PCDHA2: variants seen among roughly 807,000 people sequenced by gnomAD.
PCDHA2 encodes protocadherin alpha 2, also known as protocadherin alpha-2.
In PCDHA2, 58 loss-of-function variants were observed where a neutral mutation model predicts 66.0. The ratio of observed to expected loss-of-function variants is 0.88; its 90% CI spans 0.71 to 1.09. The LOEUF is 1.09. Ranked by LOEUF, PCDHA2 falls within the 50% of genes least tolerant of loss-of-function variation. PCDHA2 has a pLI of 0.00. For synonymous variants in PCDHA2, 634 were observed against 554.0 expected, an observed-to-expected ratio of 1.14 and a Z score of -2.03; for missense variants, 1,267 against 1,242.3, an observed-to-expected ratio of 1.02 and a Z score of -0.30.
At chr5:140,921,777 C>G (rs1434211783) in intron 1 of PCDHA2, among the ~76,000 whole-genome samples, 1 of 152,030 alleles carries the variant, frequency 6.6e-6, no homozygotes, top group Non-Finnish European at 1.5e-5. Flanking sequence ...TCAATACTGA[C>G]TTGGATGTTC....
chr5:140,813,995 C>G (rs1554126359), intron 1 of PCDHA2: 1 of 152,658 alleles, frequency 6.6e-6, no homozygotes, highest in African/African-American at 2.4e-5. Context: ...GAGACTCTGT[C>G]TCAATTTTTT....
At chr5:140,844,817 G>C (rs1468939378) in intron 1 of PCDHA2, among the ~76,000 whole-genome samples, 1 of 148,814 alleles carries the variant, frequency 6.7e-6, no homozygotes. Flanking sequence ...ATTTCTTCTT[G>C]TCTTTTTACA....
At chr5:140,808,381 G>A in intron 1 of PCDHA2, 1 of 1,614,168 alleles carries the variant, frequency 6.2e-7, no homozygotes, top group Non-Finnish European at 8.5e-7. Context: ...TCAAGCTGGT[G>A]TCCACCTTCA....
chr5:140,928,902 C>T, intron 1 of PCDHA2: 1 of 1,614,164 alleles, frequency 6.2e-7, no homozygotes, highest in Non-Finnish European at 8.5e-7. Flanking sequence ...TTGAAGATGT[C>T]TGGGAACCAG....
At chr5:140,886,555 C>T (rs1441725788) in intron 1 of PCDHA2, among the ~76,000 whole-genome samples, 3 of 151,830 alleles carry the variant, frequency 2.0e-5, no homozygotes, top group Non-Finnish European at 4.4e-5. Context: ...CAGCTGGGCA[C>T]GGTGGCTCAC....
rs1563652468 is a variant in PCDHA2, at chr5:141,000,419, A to ATTT, written c.2537-9207_2537-9206insTTT. 1.8e-3 allele frequency among the ~76,000 whole-genome samples: 107 copies of ATTT among 60,980 alleles called. 1 individual carries two copies. The highest frequency in any genetic ancestry group is 3.1e-3 in the African/African-American group (41 of 13,160). 40.0% of individuals were successfully genotyped at this position (60,980 alleles called of 152,430 possible). ...TCTATATATATATATATATATATAT[A>ATTT]TATTTTTTTTTTTTTTTTTTTTTTT... On this transcript the variant is annotated intron_variant, in intron 3 of 3. Transcript: ENST00000526136.
At chr5:140,883,614 A>G (rs2059700095) in intron 1 of PCDHA2, 1 of 1,613,816 alleles carries the variant, frequency 6.2e-7, no homozygotes, top group South Asian at 1.1e-5. Context: ...GCCGACGTGA[A>G]CGACAACGCG....
chr5:140,888,611 G>T (rs1554183538), intron 1 of PCDHA2, among the ~76,000 whole-genome samples: 1 of 152,144 alleles, frequency 6.6e-6, no homozygotes, highest in Non-Finnish European at 1.5e-5. Context: ...TTTTAGTGTA[G>T]CACTAATTCG....
chr5:140,817,798 C>G (rs1766206298), intron 1 of PCDHA2, among the ~76,000 whole-genome samples: 1 of 152,052 alleles, frequency 6.6e-6, no homozygotes, highest in Non-Finnish European at 1.5e-5. Flanking sequence ...GGTAAAGAAA[C>G]CTTTACGTTT....
intron 1 of PCDHA2, chr5:140,875,950 G>A: frequency 6.2e-7 from 1 of 1,614,166 alleles, no homozygotes; most frequent in South Asian, 1.1e-5. Flanking sequence ...CGCTTCTGAT[G>A]CGGATATCGG....
chr5:141,003,520 C>G (rs1171208921), intron 3 of PCDHA2, among the ~76,000 whole-genome samples: 2 of 152,244 alleles, frequency 1.3e-5, no homozygotes, highest in Middle Eastern at 3.4e-3. Flanking sequence ...ACCATGTTCC[C>G]TAGGCTGGTC....
In PCDHA2 at chr5:140,852,074, T is replaced by A. The variant is rs988130151; in HGVS notation, c.2388+54722T>A. On this transcript the variant is annotated intron_variant, in intron 1 of 3. Coordinates refer to ENST00000526136, the MANE Select transcript of PCDHA2 (RefSeq NM_018905.3). The stretch of plus-strand genomic sequence containing the variant: ...TTTATATTTTTCTTTCTCTTTCAGC[T>A]ATTTTATTTAATATTGTGTCAGATA... The A allele has an allele frequency of 1.4e-4, 130 of 903,068 alleles. 3 individuals carry two copies. Among genetic ancestry groups the A allele is most frequent in the Non-Finnish European group, 1.7e-4 (126 of 741,050 alleles). 55.9% of individuals were successfully genotyped at this position (903,068 alleles called of 1,614,324 possible).
intron 1 of PCDHA2, chr5:140,802,907 G>A (rs1429009180): frequency 6.2e-7 from 1 of 1,613,648 alleles, no homozygotes; most frequent in African/African-American, 1.3e-5. Flanking sequence ...TGCCTCGGGT[G>A]GGTGGCATCG....
chr5:140,864,619 T>A (rs895390232), intron 1 of PCDHA2: 2 of 152,222 alleles, frequency 1.3e-5, no homozygotes, highest in African/African-American at 4.8e-5. Flanking sequence ...TGTTCTTTTT[T>A]AAAAAGAAAA....
intron 1 of PCDHA2, among the ~76,000 whole-genome samples, chr5:140,903,300 T>C (rs1368072567): frequency 6.6e-6 from 1 of 152,184 alleles, no homozygotes; most frequent in Non-Finnish European, 1.5e-5. Context: ...GGAAATTTAG[T>C]ATACAATAAA....
chr5:140,830,545 C>T (rs2150187655), intron 1 of PCDHA2: 5 of 1,153,740 alleles, frequency 4.3e-6, no homozygotes, highest in Non-Finnish European at 5.9e-6. Flanking sequence ...TTGTTTTCCT[C>T]ATATTTGTCT....
intron 1 of PCDHA2, chr5:140,802,800 G>T: frequency 6.2e-7 from 1 of 1,613,520 alleles, no homozygotes; most frequent in Non-Finnish European, 8.5e-7. Flanking sequence ...GCAGTTCCAG[G>T]TGAGTGCGCG....
intron 1 of PCDHA2, among the ~76,000 whole-genome samples, chr5:140,974,062 G>T (rs1014435483): frequency 2.0e-5 from 3 of 152,222 alleles, no homozygotes; most frequent in Non-Finnish European, 4.4e-5. Context: ...ATTTGGAGCA[G>T]TATAATCTAT....
intron 1 of PCDHA2, among the ~76,000 whole-genome samples, chr5:140,937,638 C>T (rs1563161991): frequency 6.7e-6 from 1 of 150,048 alleles, no homozygotes; most frequent in Non-Finnish European, 1.5e-5. Flanking sequence ...AAAGGCAGGG[C>T]ATGGTGGCTC....
Sources: allele counts gnomAD v4.1 joint callset (sites outside exome capture counted in the v4.1 genomes callset), GRCh38; gene constraint gnomAD v4.1.1; transcripts MANE v1.5; gene names NCBI Gene and HGNC (gene_info 2026-07-23, HGNC 2026-07-21).